The following TCF20 variants were observed in gnomAD, a reference collection of about 807,000 sequenced individuals.
TCF20 encodes SPRE-binding protein.
A neutral mutation model predicts 148.6 loss-of-function variants in TCF20; 3 were observed. The ratio of observed to expected loss-of-function variants is 0.02; its 90% CI spans 0.01 to 0.05. The LOEUF (loss-of-function observed/expected upper bound fraction) is 0.05, where lower values mean the gene tolerates loss of function less well. TCF20 is among the 10% of genes least tolerant of loss of function. TCF20 has a pLI of 1.00. For synonymous variants in TCF20, 1,049 were observed against 909.5 expected, an observed-to-expected ratio of 1.15 and a Z score of -2.76; for missense variants, 2,350 against 2,429.3, an observed-to-expected ratio of 0.97 and a Z score of 0.69.
At chr22:42,233,503 A>G (rs1923614679) in intron 1 of TCF20, among the ~76,000 whole-genome samples, 1 of 152,210 alleles carries the variant, frequency 6.6e-6, no homozygotes, top group Non-Finnish European at 1.5e-5. Flanking sequence ...CTTTGCTGAC[A>G]TACCACTCAC....
intron 2 of TCF20, among the ~76,000 whole-genome samples, chr22:42,198,422 T>C (rs1009387634): frequency 1.3e-5 from 2 of 152,212 alleles, no homozygotes; most frequent in African/African-American, 4.8e-5. Flanking sequence ...CATGGAGGAC[T>C]GGTTCCAGGA....
At chr22:42,169,106 G>A (rs1341848933) in intron 4 of TCF20, among the ~76,000 whole-genome samples, 1 of 151,060 alleles carries the variant, frequency 6.6e-6, no homozygotes, top group Non-Finnish European at 1.5e-5. Context: ...CTAGATTTAA[G>A]ACTGCGAGTG....
intron 1 of TCF20, among the ~76,000 whole-genome samples, chr22:42,242,226 A>C (rs1229365828): frequency 1.4e-5 from 2 of 140,978 alleles, no homozygotes; most frequent in African/African-American, 5.3e-5. Flanking sequence ...AAAAAAAAAA[A>C]ACAGAAAAGA....
At position 42,209,842 on chromosome 22, in the gene TCF20, A is replaced by G; in HGVS notation, c.5464T>C (p.Leu1822=). The G allele has an allele frequency of 1.2e-6, 2 of 1,614,160 alleles. No homozygotes were observed. Among genetic ancestry groups the G allele is most frequent in the Non-Finnish European group, 1.7e-6 (2 of 1,180,022 alleles). The change falls in exon 2 of 6, where the codon TTG becomes CTG. Residue 1822 remains leucine (L), a synonymous_variant. Transcript: ENST00000677622. ...ATEGSSEKTV[L]DSKPSVPTTS... ...GTGGGCACGGAGGGCTTCGAGTCCA[A>G]AACAGTCTTTTCACTGCTGCCCTCA...
At chr22:42,266,122 A>G (rs1926275129) in intron 1 of TCF20, among the ~76,000 whole-genome samples, 1 of 151,194 alleles carries the variant, frequency 6.6e-6, no homozygotes, top group Non-Finnish European at 1.5e-5. Context: ...GAAGATATGG[A>G]TTCCAGGGCC....
intron 1 of TCF20, among the ~76,000 whole-genome samples, chr22:42,309,203 T>A (rs1212925739): frequency 6.6e-6 from 1 of 152,040 alleles, no homozygotes; most frequent in East Asian, 1.9e-4. Context: ...CTGGGCTTGT[T>A]TTCATGTTCT....
At chr22:42,202,234 A>G (rs1438837468) in intron 2 of TCF20, among the ~76,000 whole-genome samples, 1 of 152,176 alleles carries the variant, frequency 6.6e-6, no homozygotes, top group Non-Finnish European at 1.5e-5. Flanking sequence ...CTAAGACAAC[A>G]ATGAGGGAGG....
chr22:42,209,912 G>T lies in TCF20; in HGVS notation c.5394C>A (p.Gly1798=), dbSNP rs774131197. Residue 1798 remains glycine (G), a synonymous_variant, in exon 2 of 6, where the codon GGC becomes GGA. Coordinates refer to ENST00000677622, the MANE Select transcript of TCF20 (RefSeq NM_001378418.1). ...RRHRSEDCGG[G]PRSLSRGLPC... is the part of the protein sequence containing the mutation. ...GGAGCCCCCTGGACAGGGACCGAGG[G>T]CCTCCACCACAGTCTTCCGAGCGGT... 1.2e-6 allele frequency: 2 copies of T among 1,614,178 alleles called. No individual in the cohort carries two copies. Among genetic ancestry groups the T allele is most frequent in the Non-Finnish European group, 1.7e-6 (2 of 1,180,036 alleles).
intron 1 of TCF20, among the ~76,000 whole-genome samples, chr22:42,334,406 G>A (rs1928030279): frequency 6.6e-6 from 1 of 152,118 alleles, no homozygotes; most frequent in African/African-American, 2.4e-5. Flanking sequence ...TCAGCCCCTG[G>A]GCACAACTCA....
At chr22:42,320,879 A>G (rs1927719812) in intron 1 of TCF20, among the ~76,000 whole-genome samples, 2 of 152,176 alleles carry the variant, frequency 1.3e-5, no homozygotes, top group African/African-American at 2.4e-5. Flanking sequence ...GACCCACCAG[A>G]GGTGGGGGCC....
At chr22:42,310,339 T>C (rs1396690472) in intron 1 of TCF20, among the ~76,000 whole-genome samples, 2 of 151,060 alleles carry the variant, frequency 1.3e-5, no homozygotes, top group Non-Finnish European at 2.9e-5. Flanking sequence ...GGAAACAAGA[T>C]GGACAGTCCC....
chr22:42,179,519 A>G, intron 3 of TCF20, 90 bp downstream of exon 3: 2 of 900,062 alleles, frequency 2.2e-6, no homozygotes, highest in Non-Finnish European at 3.2e-6. Flanking sequence ...AAAGAAAAGA[A>G]AAGAAAAAAA....
intron 1 of TCF20, among the ~76,000 whole-genome samples, chr22:42,306,752 G>A (rs1396471420): frequency 2.0e-5 from 3 of 152,138 alleles, no homozygotes; most frequent in Non-Finnish European, 4.4e-5. Flanking sequence ...AAGTCTGAGA[G>A]GAGCGTCCAG....
chr22:42,163,356 C>T (rs779458942), intron 5 of TCF20, among the ~76,000 whole-genome samples: 3 of 152,198 alleles, frequency 2.0e-5, no homozygotes, highest in South Asian at 2.1e-4. Context: ...CTATAGCCTT[C>T]GTGTTCCTCA....
At chr22:42,337,251 C>G (rs1227208901) in intron 1 of TCF20, among the ~76,000 whole-genome samples, 1 of 152,064 alleles carries the variant, frequency 6.6e-6, no homozygotes, top group East Asian at 1.9e-4. Context: ...CCCTGCCACT[C>G]CTCTCCCCCT....
intron 1 of TCF20, chr22:42,277,134 G>A (rs1926797424): frequency 6.6e-6 from 1 of 152,218 alleles, no homozygotes; most frequent in South Asian, 2.1e-4. Context: ...CCTGTCCTGT[G>A]CCTGTCTGCT....
At chr22:42,239,275 G>T (rs911857616) in intron 1 of TCF20, among the ~76,000 whole-genome samples, 1 of 149,212 alleles carries the variant, frequency 6.7e-6, no homozygotes, top group Non-Finnish European at 1.5e-5. Context: ...ACAGGAGTTC[G>T]AGACCAGCCT....
At chr22:42,202,771 G>A (rs927577462) in intron 2 of TCF20, among the ~76,000 whole-genome samples, 4 of 152,204 alleles carry the variant, frequency 2.6e-5, no homozygotes, top group African/African-American at 9.6e-5. Context: ...AAGCCCTAGT[G>A]CAGGACCTGT....
intron 2 of TCF20, among the ~76,000 whole-genome samples, chr22:42,186,049 C>T: frequency 6.6e-6 from 1 of 152,206 alleles, no homozygotes; most frequent in Admixed American, 6.5e-5. Context: ...GTGCCAGTTT[C>T]AGAAACTGAA....
Sources: allele counts gnomAD v4.1 joint callset (sites outside exome capture counted in the v4.1 genomes callset), GRCh38; gene constraint gnomAD v4.1.1; transcripts MANE v1.5; gene names NCBI Gene and HGNC (gene_info 2026-07-23, HGNC 2026-07-21).